Variants in YTHDF3 observed in about 807,000 individuals in gnomAD.
YTHDF3 encodes the protein YTH domain-containing family protein 3.
YTHDF3 carries 9 observed loss-of-function variants against 52.5 expected under a neutral mutation model. The ratio of observed to expected loss-of-function variants is 0.17; its 90% confidence interval spans 0.10 to 0.30. YTHDF3 has a LOEUF of 0.30. Ranked by LOEUF, YTHDF3 falls within the 10% of genes least tolerant of loss-of-function variation. The pLI, the probability that YTHDF3 is intolerant of heterozygous loss-of-function variation, is 1.00. For synonymous variants in YTHDF3, 274 were observed against 243.3 expected, an observed-to-expected ratio of 1.13 and a Z score of -1.18; for missense variants, 534 against 715.0, an observed-to-expected ratio of 0.75 and a Z score of 2.89.
chr8:63,186,060 A>C, intron 3 of YTHDF3, 87 bp from the exon 4 acceptor site: 27 of 1,340,242 alleles, frequency 2.0e-5, no homozygotes, highest in Non-Finnish European at 2.7e-5. Flanking sequence ...CATTTACTTA[A>C]AACTTCTTGA....
intron 4 of YTHDF3, among the ~76,000 whole-genome samples, chr8:63,189,923 A>C (rs966304137): frequency 1.3e-5 from 2 of 152,158 alleles, no homozygotes; most frequent in Non-Finnish European, 2.9e-5. Flanking sequence ...GTTTTCTCCC[A>C]CTTAAATATG....
chr8:63,195,668 G>A (rs976560879), intron 4 of YTHDF3, among the ~76,000 whole-genome samples: 3 of 152,108 alleles, frequency 2.0e-5, no homozygotes, highest in Admixed American at 2.0e-4. Flanking sequence ...GATGGAATGG[G>A]AGGAATACAT....
rs769568813 is a variant in YTHDF3, at chr8:63,169,404, A to G, written c.42A>G (p.Gly14=). 4 of 1,601,472 alleles carry G rather than the reference A, an allele frequency of 2.5e-6. No individual in the cohort carries two copies. The African/African-American group carries it at 5.4e-5, about 21-fold the overall frequency. ...CAACACAGAGACCTAAAGGGCAAGG[A>G]AATAAAGGTGAGTTTGGATTTTTTT... ...TSVDQRPKGQ[G]NKVSVQNGSI... The change falls in exon 2 of 5, where the codon GGA becomes GGG. Residue 14 remains glycine, a synonymous_variant. Transcript: ENST00000539294.
rs964101908 is a variant in YTHDF3, at chr8:63,193,393, A to G, written c.1734+5648A>G. 2.6e-3 allele frequency among the ~76,000 whole-genome samples: 388 copies of G among 151,358 alleles called. 5 individuals carry two copies. The highest frequency in any genetic ancestry group is 2.6e-3 in the Non-Finnish European group (173 of 67,810). On this transcript the variant is annotated intron_variant, in intron 4 of 4. Transcript: ENST00000539294. ...TCCGTCCAAAAAAAAAAAAAAAAAA[A>G]AAAGCAGCAGCAGCCATGTTTCTTA...
chr8:63,210,758 G>A lies in YTHDF3; in HGVS notation c.*1052G>A, dbSNP rs1810326204. The A allele has an allele frequency of 6.6e-6, 1 of 152,502 alleles. No homozygotes were observed. Among genetic ancestry groups the A allele is most frequent in the Non-Finnish European group, 1.5e-5 (1 of 67,988 alleles). The allele number at this position is 152,502 out of a possible 1,614,324, so 9.4% of individuals were successfully genotyped here. ...TCAGTATCTAAGTGAATGTGTTGAT[G>A]TTTTATTGATCAGATCTATATAAGT... On this transcript the variant is annotated 3_prime_UTR_variant, in exon 5 of 5. Transcript: ENST00000539294.
At chr8:63,199,561 TTA>T (rs1267730024) in intron 4 of YTHDF3, among the ~76,000 whole-genome samples, 2 of 152,226 alleles carry the variant, frequency 1.3e-5, no homozygotes, top group Non-Finnish European at 1.5e-5. Context: ...ATGAAATATC[TTA>T]TGTTTCCAGA....
chr8:63,206,452 A>C (rs1413391080), intron 4 of YTHDF3, among the ~76,000 whole-genome samples: 1 of 152,174 alleles, frequency 6.6e-6, no homozygotes, highest in Admixed American at 6.5e-5. Context: ...TGCTTAGGCC[A>C]AAAGTTCTGG....
intron 2 of YTHDF3, among the ~76,000 whole-genome samples, chr8:63,174,670 G>A (rs1405824852): frequency 1.3e-5 from 2 of 152,136 alleles, no homozygotes; most frequent in South Asian, 2.1e-4. Context: ...TGTATTGCAA[G>A]GATAATTATG....
chr8:63,205,553 C>T (rs1288829221), intron 4 of YTHDF3, among the ~76,000 whole-genome samples: 1 of 151,714 alleles, frequency 6.6e-6, no homozygotes, highest in African/African-American at 2.4e-5. Flanking sequence ...CCTGCTTCAT[C>T]CTCCTGAGTG....
chr8:63,197,901 G>C (rs1211287988), intron 4 of YTHDF3, among the ~76,000 whole-genome samples: 3 of 152,158 alleles, frequency 2.0e-5, no homozygotes, highest in Non-Finnish European at 4.4e-5. Flanking sequence ...CATTGTTGTA[G>C]TGAATGTGAG....
chr8:63,202,233 C>T (rs1809685698), intron 4 of YTHDF3, among the ~76,000 whole-genome samples: 1 of 152,180 alleles, frequency 6.6e-6, no homozygotes, highest in South Asian at 2.1e-4. Flanking sequence ...AATGATTGTC[C>T]TTTCCCCTGA....
intron 3 of YTHDF3, among the ~76,000 whole-genome samples, chr8:63,185,358 T>TG (rs1401253531): frequency 6.6e-6 from 1 of 152,006 alleles, no homozygotes; most frequent in Non-Finnish European, 1.5e-5. Context: ...TTGATTTAAT[T>TG]GCAGTAATTC....
chr8:63,197,762 A>G (rs1809333998), intron 4 of YTHDF3, among the ~76,000 whole-genome samples: 1 of 152,240 alleles, frequency 6.6e-6, no homozygotes. Context: ...GGAACTGAAT[A>G]ATAGAAGGGA....
At chr8:63,171,062 A>G (rs1040283342) in intron 2 of YTHDF3, among the ~76,000 whole-genome samples, 1 of 152,200 alleles carries the variant, frequency 6.6e-6, no homozygotes, top group African/African-American at 2.4e-5. Flanking sequence ...AGTTGTATTC[A>G]GACACATACA....
intron 4 of YTHDF3, among the ~76,000 whole-genome samples, chr8:63,208,137 A>G (rs911048688): frequency 6.6e-6 from 1 of 152,156 alleles, no homozygotes; most frequent in African/African-American, 2.4e-5. Context: ...ATTTCAATGT[A>G]TCTCACCGAT....
At chr8:63,182,486 A>G (rs1400316137) in intron 3 of YTHDF3, among the ~76,000 whole-genome samples, 1 of 152,130 alleles carries the variant, frequency 6.6e-6, no homozygotes, top group East Asian at 1.9e-4. Flanking sequence ...CCTGAATTAT[A>G]CTATGGGTAT....
At chr8:63,198,956 A>G (rs183806823) in intron 4 of YTHDF3, among the ~76,000 whole-genome samples, 15 of 152,050 alleles carry the variant, frequency 9.9e-5, no homozygotes, top group Admixed American at 8.5e-4. Flanking sequence ...CTTTTATGTA[A>G]CATATTTAAT....
chr8:63,189,861 AT>A, intron 4 of YTHDF3, among the ~76,000 whole-genome samples: 1 of 152,222 alleles, frequency 6.6e-6, no homozygotes, highest in East Asian at 1.9e-4. Flanking sequence ...ATTAATACAA[AT>A]GACTTTAAGG....
rs1029023585 is a variant in YTHDF3, at chr8:63,195,887, G to A, written c.1734+8142G>A. Among the ~76,000 whole-genome samples the A allele has an allele frequency of 1.1e-4, 16 of 151,980 alleles. No homozygotes were observed. In the South Asian group the frequency reaches 3.3e-3, roughly 32 times the overall value. On this transcript the variant is annotated intron_variant, in intron 4 of 4. Coordinates refer to ENST00000539294, the MANE Select transcript of YTHDF3 (RefSeq NM_152758.6). The stretch of plus-strand genomic sequence containing the variant: ...GTGATCATAAGTTCACTGCAGCCTC[G>A]ACTTTCCAGGCTCAGGTGATTCTTC...
Sources: allele counts gnomAD v4.1 joint callset (sites outside exome capture counted in the v4.1 genomes callset), GRCh38; gene constraint gnomAD v4.1.1; transcripts MANE v1.5; gene names NCBI Gene and HGNC (gene_info 2026-07-23, HGNC 2026-07-21).